DIP2C: variants seen among roughly 807,000 people sequenced by gnomAD.
DIP2C encodes the protein DIP2 acetate--CoA ligase C (putative), also known as disco-interacting protein 2 homolog C.
A neutral mutation model predicts 192.4 loss-of-function variants in DIP2C; 33 were observed. The observed-to-expected ratio is 0.17, with a 90% CI of 0.13 to 0.23. The LOEUF is 0.23. Ranked by LOEUF, DIP2C falls within the 10% of genes least tolerant of loss-of-function variation. The pLI is 1.00. For missense variants in DIP2C, 1,537 were observed against 2,110.1 expected (o/e 0.73, Z 5.32); for synonymous variants, 979 against 864.1 (o/e 1.13, Z -2.33).
At chr10:586,823 G>A (rs1851061656) in intron 1 of DIP2C, among the ~76,000 whole-genome samples, 1 of 151,082 alleles carries the variant, frequency 6.6e-6, no homozygotes, top group Non-Finnish European at 1.5e-5. Flanking sequence ...TGTTTCACAA[G>A]CTATCAAATG....
At chr10:315,338 A>G (rs1956732004) in intron 31 of DIP2C, among the ~76,000 whole-genome samples, 1 of 152,166 alleles carries the variant, frequency 6.6e-6, no homozygotes, top group Admixed American at 6.5e-5. Context: ...TTTCTTCTTA[A>G]AAATTTGGGC....
intron 1 of DIP2C, among the ~76,000 whole-genome samples, chr10:557,130 G>A (rs957738011): frequency 1.1e-4 from 16 of 152,342 alleles, no homozygotes; most frequent in African/African-American, 3.8e-4. Flanking sequence ...CGTAAGACCA[G>A]CACTCCTATG....
Position 509,414 on chromosome 10 carries a change from C to T in DIP2C, c.86-22884G>A, listed in dbSNP as rs940546917. ...AACCAGGTCCTTCCCTGGATCCATC[C>T]GCGCTGCTCCCCCTCCCACCCCGAG... On this transcript the variant is annotated intron_variant, in intron 1 of 36. Transcript: ENST00000280886. Among the ~76,000 whole-genome samples, 3 of 152,182 alleles carry T rather than the reference C, an allele frequency of 2.0e-5. No homozygotes were observed. In the East Asian group the frequency reaches 5.8e-4, roughly 29 times the overall value.
intron 18 of DIP2C, among the ~76,000 whole-genome samples, chr10:369,047 T>C (rs1293979567): frequency 1.3e-5 from 2 of 152,262 alleles, no homozygotes; most frequent in South Asian, 2.1e-4. Flanking sequence ...AAAAGGTCTC[T>C]ACTGCTGAAA....
rs1438033501 is a variant in DIP2C at position 363,864 on chromosome 10, G to C, written c.2477+510C>G. Among the ~76,000 whole-genome samples, 1 of 152,132 alleles carries C rather than the reference G, an allele frequency of 6.6e-6. No individual in the cohort carries two copies. Among genetic ancestry groups the C allele is most frequent in the Non-Finnish European group, 1.5e-5 (1 of 68,022 alleles). Reference sequence around the variant, plus strand: ...CCCATCAGCTTCCAAACTGAAAAAAGGCTCTAAAACACTTTATGACTTCCT... The same window carrying C: ...CCCATCAGCTTCCAAACTGAAAAAACGCTCTAAAACACTTTATGACTTCCT... On this transcript the variant is annotated intron_variant, in intron 20 of 36. Coordinates refer to ENST00000280886, the MANE Select transcript of DIP2C (RefSeq NM_014974.3). This position sits in a 1 kb window ranked among gnomAD's most constrained non-coding sequence, Gnocchi z 5.4.
chr10:672,504 T>C (rs950623443), intron 1 of DIP2C, among the ~76,000 whole-genome samples: 1 of 152,082 alleles, frequency 6.6e-6, no homozygotes, highest in African/African-American at 2.4e-5. Context: ...GATGAGCAGG[T>C]TCACATCCAT....
At chr10:282,968 T>C (rs1174335639) in intron 35 of DIP2C, among the ~76,000 whole-genome samples, 1 of 152,272 alleles carries the variant, frequency 6.6e-6, no homozygotes. Context: ...TCTGAGACTC[T>C]GAGCACTTTG....
At chr10:388,814 AAG>A (rs1161710003) in intron 13 of DIP2C, among the ~76,000 whole-genome samples, 1 of 152,262 alleles carries the variant, frequency 6.6e-6, no homozygotes, top group East Asian at 1.9e-4. Flanking sequence ...AAGTTCCAGA[AAG>A]AGACGCCAGG....
chr10:423,951 A>T (rs1432229834), intron 4 of DIP2C, among the ~76,000 whole-genome samples: 2 of 152,200 alleles, frequency 1.3e-5, no homozygotes, highest in African/African-American at 4.8e-5. Context: ...ATCTGTGCAG[A>T]TTGGATATCT....
At chr10:284,141 G>A (rs894158890) in intron 34 of DIP2C, among the ~76,000 whole-genome samples, 1 of 152,178 alleles carries the variant, frequency 6.6e-6, no homozygotes, top group Non-Finnish European at 1.5e-5. Flanking sequence ...TGTAGACTCT[G>A]GAGTGTTTGC....
At chr10:612,233 A>G (rs1156524020) in intron 1 of DIP2C, among the ~76,000 whole-genome samples, 1 of 152,090 alleles carries the variant, frequency 6.6e-6, no homozygotes. Context: ...GCGAGGTTGC[A>G]GTGAGCCAAG....
At position 339,487 on chromosome 10, in the gene DIP2C, AC is replaced by A. The variant is rs201766618; in HGVS notation, c.3584+1711del. On this transcript the variant is annotated intron_variant, in intron 29 of 36. Coordinates refer to ENST00000280886, the MANE Select transcript of DIP2C (RefSeq NM_014974.3). ...ACACGGAGAACTTACTTTCCCTGCAACAAACATCTTCTCTCTGGTTTCCATG... is the reference window on the plus strand; with the variant it reads ...ACACGGAGAACTTACTTTCCCTGCAAAAACATCTTCTCTCTGGTTTCCATG... Among the ~76,000 whole-genome samples, 651 of 152,292 alleles carry A rather than the reference AC, an allele frequency of 4.3e-3. 4 individuals carry two copies. The highest frequency in any genetic ancestry group is 0.014 in the African/African-American group (599 of 41,550).
At chr10:656,122 G>C (rs1314469452) in intron 1 of DIP2C, among the ~76,000 whole-genome samples, 1 of 140,478 alleles carries the variant, frequency 7.1e-6, no homozygotes, top group Non-Finnish European at 1.5e-5. Context: ...CACTCTATTT[G>C]TCCTATTGTA....
intron 1 of DIP2C, among the ~76,000 whole-genome samples, chr10:619,723 G>A (rs904331791): frequency 2.6e-5 from 4 of 152,198 alleles, no homozygotes; most frequent in Admixed American, 1.3e-4. Context: ...CCACCTGGTC[G>A]GGGACCTCCA....
chr10:437,078 GCT>G (rs1356283285), intron 4 of DIP2C, among the ~76,000 whole-genome samples: 37 of 135,020 alleles, frequency 2.7e-4, no homozygotes, highest in African/African-American at 7.2e-4. Flanking sequence ...CCACACCTGA[GCT>G]CTCTCTGAGC....
At chr10:510,141 T>C (rs1588343788) in intron 1 of DIP2C, among the ~76,000 whole-genome samples, 1 of 152,216 alleles carries the variant, frequency 6.6e-6, no homozygotes, top group Admixed American at 6.5e-5. Flanking sequence ...GCATGACCAC[T>C]GAAACTGACT....
chr10:408,831 G>A, intron 9 of DIP2C, 95 bp downstream of exon 9: 3 of 1,198,452 alleles, frequency 2.5e-6, no homozygotes, highest in Non-Finnish European at 2.4e-6. Context: ...ATAGAAAGTG[G>A]AGGTGGCGCT....
intron 4 of DIP2C, among the ~76,000 whole-genome samples, chr10:438,562 T>C (rs1967463373): frequency 6.6e-6 from 1 of 151,930 alleles, no homozygotes; most frequent in East Asian, 1.9e-4. Context: ...TGACCATGGC[T>C]CACTGCAGCC....
intron 1 of DIP2C, among the ~76,000 whole-genome samples, chr10:675,414 G>A (rs1830838008): frequency 6.6e-6 from 1 of 151,690 alleles, no homozygotes; most frequent in Non-Finnish European, 1.5e-5. Flanking sequence ...AAAAGTGGTA[G>A]GAGAAAAGAA....
Sources: allele counts gnomAD v4.1 joint callset (sites outside exome capture counted in the v4.1 genomes callset), GRCh38; gene constraint gnomAD v4.1.1; non-coding constraint Gnocchi (gnomAD v3.1); transcripts MANE v1.5; gene names NCBI Gene and HGNC (gene_info 2026-07-23, HGNC 2026-07-21).